Variants in AVEN observed in about 807,000 individuals in gnomAD.
The protein encoded by AVEN is cell death regulator Aven.
AVEN carries 41 observed loss-of-function variants against 38.1 expected under a neutral mutation model. The observed-to-expected ratio is 1.08, with a 90% CI of 0.84 to 1.40. The LOEUF is 1.40. AVEN is among the 40% of genes most tolerant of loss of function. The pLI, the probability that AVEN is intolerant of heterozygous loss-of-function variation, is 0.00. For synonymous variants in AVEN, 206 were observed against 171.8 expected (o/e 1.20, Z -1.56); for missense variants, 605 against 438.8 (o/e 1.38, Z -3.38).
At position 34,056,640 on chromosome 15, in the gene AVEN, A is replaced by G. The variant is rs1003768394; in HGVS notation, n.1637+6282T>C. Among the ~76,000 whole-genome samples, 5 of 152,180 alleles carry G rather than the reference A, an allele frequency of 3.3e-5. 1 individual carries two copies. Among genetic ancestry groups the G allele is most frequent in the Admixed American group, 3.3e-4 (5 of 15,270 alleles). ...AGTCTATGAGCAGACTCTGAGGAAG[A>G]CTGTGTTAGCCTCGGCTCTCCTCAA... On this transcript the variant is annotated intron_variant and non_coding_transcript_variant, in intron 5 of 11. Coordinates refer to the AVEN transcript ENST00000675287.
intron 2 of AVEN, among the ~76,000 whole-genome samples, chr15:33,972,696 G>A (rs570040543): frequency 1.4e-4 from 21 of 152,082 alleles, no homozygotes; most frequent in Non-Finnish European, 4.4e-5. Context: ...AAACACATAG[G>A]CATATACAGA....
Position 34,055,372 on chromosome 15 carries a change from G to A in AVEN, n.1637+7550C>T, listed in dbSNP as rs138329996. 2.6e-3 allele frequency among the ~76,000 whole-genome samples: 390 copies of A among 152,070 alleles called. 1 individual carries two copies. Among genetic ancestry groups the A allele is most frequent in the African/African-American group, 9.2e-3 (381 of 41,458 alleles). On this transcript the variant is annotated intron_variant and non_coding_transcript_variant, in intron 5 of 11. Coordinates refer to the AVEN transcript ENST00000675287. ...AAATTATAATTATCTGTGTGTGGTGGTGTGCACCTGTAGTCCCAGCTACTC... is the reference window on the plus strand; with the variant it reads ...AAATTATAATTATCTGTGTGTGGTGATGTGCACCTGTAGTCCCAGCTACTC...
At chr15:34,062,777 G>A (rs146043159) in intron 5 of AVEN, 14 of 1,614,146 alleles carry the variant, frequency 8.7e-6, no homozygotes, top group Non-Finnish European at 1.2e-5. Context: ...TAAATCACCA[G>A]CCTTTGGAAC....
intron 2 of AVEN, among the ~76,000 whole-genome samples, chr15:33,959,983 A>G (rs970117878): frequency 1.3e-5 from 2 of 152,262 alleles, no homozygotes; most frequent in South Asian, 2.1e-4. Context: ...GCAGTAGTGT[A>G]TAACTACTGG....
chr15:34,057,800 AAATT>A (rs1333962186), intron 5 of AVEN, among the ~76,000 whole-genome samples: 1 of 152,200 alleles, frequency 6.6e-6, no homozygotes, highest in African/African-American at 2.4e-5. Flanking sequence ...TGTTTCTAAT[AAATT>A]AATTAATGTC....
At chr15:33,877,412 G>T (rs1439343138) in intron 2 of AVEN, among the ~76,000 whole-genome samples, 1 of 152,276 alleles carries the variant, frequency 6.6e-6, no homozygotes, top group East Asian at 1.9e-4. Flanking sequence ...AATGCTGTGT[G>T]TCTGGAAAAC....
intron 2 of AVEN, among the ~76,000 whole-genome samples, chr15:33,920,640 AATGT>A (rs1893357939): frequency 6.6e-6 from 1 of 152,198 alleles, no homozygotes; most frequent in Non-Finnish European, 1.5e-5. Flanking sequence ...GCAAAGAAAA[AATGT>A]ATGTGTCTTG....
At chr15:34,035,490 A>G (rs1315127423) in intron 1 of AVEN, among the ~76,000 whole-genome samples, 3 of 152,200 alleles carry the variant, frequency 2.0e-5, no homozygotes, top group African/African-American at 7.2e-5. Flanking sequence ...TCGAAAGAAC[A>G]GGCTCTGGAG....
intron 2 of AVEN, among the ~76,000 whole-genome samples, chr15:33,931,349 C>CTTTTTATTTTTTTTTTTTTTT (rs1893836966): frequency 1.1e-5 from 1 of 89,296 alleles, no homozygotes; most frequent in African/African-American, 5.2e-5. Context: ...TGAATATTTT[C>CTTTTTATTTTTTTTTTTTTTT]TTTTTTTTTT....
intron 5 of AVEN, among the ~76,000 whole-genome samples, chr15:34,052,879 A>G (rs1899978797): frequency 1.3e-5 from 2 of 152,200 alleles, no homozygotes; most frequent in South Asian, 4.1e-4. Context: ...TCCCATGCTC[A>G]TGGATAGGAA....
intron 2 of AVEN, among the ~76,000 whole-genome samples, chr15:33,953,785 A>C (rs1299120476): frequency 6.6e-6 from 1 of 152,232 alleles, no homozygotes; most frequent in Non-Finnish European, 1.5e-5. Flanking sequence ...CAAAACAGAC[A>C]AATGGGATCT....
intron 2 of AVEN, among the ~76,000 whole-genome samples, chr15:33,994,971 A>C (rs1263508706): frequency 6.6e-6 from 1 of 152,208 alleles, no homozygotes; most frequent in Non-Finnish European, 1.5e-5. Context: ...AATAAAAAAT[A>C]ATAATACTGG....
chr15:34,014,999 A>G (rs988057684), intron 1 of AVEN, among the ~76,000 whole-genome samples: 1 of 152,162 alleles, frequency 6.6e-6, no homozygotes, highest in East Asian at 1.9e-4. Context: ...AATCACTTCA[A>G]GACAACAGAA....
intron 2 of AVEN, among the ~76,000 whole-genome samples, chr15:33,895,758 A>G (rs1892208778): frequency 6.6e-6 from 1 of 152,202 alleles, no homozygotes; most frequent in Non-Finnish European, 1.5e-5. Flanking sequence ...ATTATATTCA[A>G]AATGATCTTT....
At position 34,063,647 on chromosome 15, in the gene AVEN, G is replaced by T; in HGVS notation, n.1127-215C>A. On this transcript the variant is annotated intron_variant and non_coding_transcript_variant, in intron 4 of 11. Transcript: ENST00000675287. The surrounding 1 kb of genome is among the most constrained non-coding windows in gnomAD (Gnocchi z 4.1). ...CCTGTAGCAGCTACCCTTCCTCAGAGGATGAGGACAAGCCCGCCACTGACC... is the reference window on the plus strand; with the variant it reads ...CCTGTAGCAGCTACCCTTCCTCAGATGATGAGGACAAGCCCGCCACTGACC... 4 of 1,614,124 alleles carry T rather than the reference G, an allele frequency of 2.5e-6. No individual in the cohort carries two copies. The highest frequency in any genetic ancestry group is 3.4e-6 in the Non-Finnish European group (4 of 1,180,018).
At chr15:33,981,989 T>C (rs1896171001) in intron 2 of AVEN, among the ~76,000 whole-genome samples, 1 of 151,940 alleles carries the variant, frequency 6.6e-6, no homozygotes, top group Non-Finnish European at 1.5e-5. Flanking sequence ...TAGCTGGGAC[T>C]ACAGGTACAT....
intron 2 of AVEN, among the ~76,000 whole-genome samples, chr15:33,900,869 G>A (rs116914401): frequency 0.033 from 5,042 of 152,174 alleles, 163 homozygotes; most frequent in Non-Finnish European, 0.04. Context: ...ACCTTGAGAC[G>A]TATCTTCTAC....
chr15:34,043,213 C>G (rs1463445148), upstream of AVEN, among the ~76,000 whole-genome samples: 1 of 151,174 alleles, frequency 6.6e-6, no homozygotes, highest in Non-Finnish European at 1.5e-5. Context: ...CACCACTGCA[C>G]TCCAGCCTGG....
At chr15:33,933,087 T>C (rs1247505177) in intron 2 of AVEN, among the ~76,000 whole-genome samples, 2 of 152,152 alleles carry the variant, frequency 1.3e-5, no homozygotes, top group Admixed American at 6.5e-5. Context: ...GGCTCAAGCA[T>C]TGCCTTTACA....
Sources: gnomAD v4.1 joint callset for allele counts (sites outside exome capture counted in the v4.1 genomes callset) on GRCh38, gnomAD v4.1.1 for gene constraint, Gnocchi (gnomAD v3.1) non-coding constraint, MANE v1.5 for transcripts, NCBI Gene and HGNC (gene_info 2026-07-23, HGNC 2026-07-21) for gene names.